BICC1: variants seen among roughly 807,000 people sequenced by gnomAD.
The protein encoded by BICC1 is BicC family RNA binding protein 1, also known as protein bicaudal C homolog 1.
A neutral mutation model predicts 111.0 loss-of-function variants in BICC1; 43 were observed. The ratio of observed to expected loss-of-function variants is 0.39; its 90% confidence interval spans 0.30 to 0.50. BICC1 has a LOEUF of 0.50. Among genes scored for constraint, BICC1 ranks in the 20% least tolerant of loss-of-function variants. BICC1 has a pLI of 0.88. For missense variants in BICC1, 1,091 were observed against 1,203.2 expected (o/e 0.91, Z 1.38); for synonymous variants, 467 against 434.4 (o/e 1.07, Z -0.93).
chr10:58,555,282 T>G (rs1220668024), intron 1 of BICC1, among the ~76,000 whole-genome samples: 2 of 150,028 alleles, frequency 1.3e-5, no homozygotes, highest in East Asian at 3.9e-4. Context: ...ATTTTACAGC[T>G]GAAGAGAATA....
intron 1 of BICC1, among the ~76,000 whole-genome samples, chr10:58,556,050 T>G (rs1843441425): frequency 6.6e-6 from 1 of 152,128 alleles, no homozygotes. Context: ...ATTTGTAAGA[T>G]TGTGGAATTT....
At chr10:58,686,552 C>G (rs1839732869) in intron 2 of BICC1, among the ~76,000 whole-genome samples, 2 of 149,194 alleles carry the variant, frequency 1.3e-5, no homozygotes, top group Admixed American at 1.3e-4. Flanking sequence ...TTCTTGGAGG[C>G]TTTGTTCATC....
intron 2 of BICC1, among the ~76,000 whole-genome samples, chr10:58,664,437 A>G (rs550766821): frequency 6.8e-6 from 1 of 147,448 alleles, no homozygotes; most frequent in East Asian, 2.1e-4. Context: ...TCTTCATAAG[A>G]TATAGGTTTT....
chr10:58,512,953 T>G lies in BICC1; in HGVS notation c.-191T>G, dbSNP rs1842131833. 6.8e-6 allele frequency among the ~76,000 whole-genome samples: 1 copy of G among 146,916 alleles called. No individual in the cohort carries two copies. Among genetic ancestry groups the G allele is most frequent in the South Asian group, 2.1e-4 (1 of 4,786 alleles). ...CCGCGACCCGGGGTGGCGGGTGGCG[T>G]GGGCGGCGCCCGGGGCTGGGATGCG... is the stretch of plus-strand genomic sequence containing the variant. On this transcript the variant is annotated 5_prime_UTR_variant, in exon 1 of 21. Coordinates refer to ENST00000373886, the MANE Select transcript of BICC1 (RefSeq NM_001080512.3).
intron 3 of BICC1, among the ~76,000 whole-genome samples, chr10:58,720,150 G>A (rs997061726): frequency 1.3e-5 from 2 of 152,154 alleles, no homozygotes; most frequent in Non-Finnish European, 2.9e-5. Context: ...TCCAAACCTG[G>A]CCTTTAGTTT....
At chr10:58,828,667 A>G in intron 20 of BICC1, 94 bp from the exon 21 acceptor site, 1 of 1,362,878 alleles carries the variant, frequency 7.3e-7, no homozygotes, top group Non-Finnish European at 9.9e-7. Flanking sequence ...CAAAAAACCT[A>G]CCACGTCACC....
intron 1 of BICC1, among the ~76,000 whole-genome samples, chr10:58,604,312 C>T (rs2132082570): frequency 6.6e-6 from 1 of 152,230 alleles, no homozygotes; most frequent in Admixed American, 6.5e-5. Context: ...ATTTAGACTA[C>T]TCAAATTTAA....
chr10:58,578,791 C>T (rs766114861), intron 1 of BICC1, among the ~76,000 whole-genome samples: 2 of 152,152 alleles, frequency 1.3e-5, no homozygotes, highest in African/African-American at 2.4e-5. Flanking sequence ...GCCATGCCCC[C>T]TCTCCCACCT....
intron 2 of BICC1, among the ~76,000 whole-genome samples, chr10:58,691,168 C>T (rs1172985469): frequency 6.6e-6 from 1 of 152,090 alleles, no homozygotes; most frequent in African/African-American, 2.4e-5. Context: ...ATAATATCTA[C>T]CCTCTTAGCA....
intron 1 of BICC1, among the ~76,000 whole-genome samples, chr10:58,537,358 A>AAT (rs1554803301): frequency 1.7e-4 from 25 of 150,758 alleles, no homozygotes; most frequent in South Asian, 8.3e-4. Flanking sequence ...AAAAAAAAAA[A>AAT]TCATGATGAA....
At chr10:58,693,870 A>G (rs1218696890) in intron 2 of BICC1, among the ~76,000 whole-genome samples, 2 of 151,936 alleles carry the variant, frequency 1.3e-5, no homozygotes, top group Non-Finnish European at 2.9e-5. Context: ...GTTTAATTAG[A>G]TCCCATTTGT....
chr10:58,803,287 G>A, intron 15 of BICC1, 45 bp downstream of exon 15: 1 of 1,529,730 alleles, frequency 6.5e-7, no homozygotes, highest in South Asian at 1.3e-5. Flanking sequence ...TCATATGTTT[G>A]GGTTCTGGTA....
At chr10:58,778,431 T>C (rs549782248) in intron 3 of BICC1, among the ~76,000 whole-genome samples, 2 of 152,246 alleles carry the variant, frequency 1.3e-5, no homozygotes, top group South Asian at 2.1e-4. Flanking sequence ...TTGATTAGCA[T>C]ATATTTTGTG....
intron 1 of BICC1, among the ~76,000 whole-genome samples, chr10:58,558,628 A>G (rs992222257): frequency 6.6e-6 from 1 of 152,072 alleles, no homozygotes; most frequent in Admixed American, 6.6e-5. Flanking sequence ...TCTCTTGCCT[A>G]TGAGATCTTA....
At chr10:58,772,750 C>T (rs1213143972) in intron 3 of BICC1, among the ~76,000 whole-genome samples, 1 of 152,124 alleles carries the variant, frequency 6.6e-6, no homozygotes, top group African/African-American at 2.4e-5. Flanking sequence ...ACATCCCCAC[C>T]CCTCAGTTGG....
At chr10:58,651,097 A>G (rs1838433208) in intron 2 of BICC1, among the ~76,000 whole-genome samples, 1 of 152,192 alleles carries the variant, frequency 6.6e-6, no homozygotes, top group Non-Finnish European at 1.5e-5. Flanking sequence ...TTCCAGGCTA[A>G]AATGATTGCT....
intron 1 of BICC1, among the ~76,000 whole-genome samples, chr10:58,579,654 G>C (rs943144071): frequency 1.3e-5 from 2 of 152,132 alleles, no homozygotes; most frequent in East Asian, 1.9e-4. Context: ...ATCCCTAATT[G>C]TTCCTAATTT....
At chr10:58,755,614 G>A (rs1842122403) in intron 3 of BICC1, among the ~76,000 whole-genome samples, 1 of 152,106 alleles carries the variant, frequency 6.6e-6, no homozygotes, top group Admixed American at 6.5e-5. Flanking sequence ...ATGGACACAT[G>A]AAGAAACACC....
At chr10:58,739,353 T>A (rs1422432719) in intron 3 of BICC1, among the ~76,000 whole-genome samples, 1 of 152,198 alleles carries the variant, frequency 6.6e-6, no homozygotes, top group Non-Finnish European at 1.5e-5. Flanking sequence ...ATGGTTTTTG[T>A]CTTTGGTTCT....
Sources: allele counts gnomAD v4.1 joint callset (sites outside exome capture counted in the v4.1 genomes callset), GRCh38; gene constraint gnomAD v4.1.1; transcripts MANE v1.5; gene names NCBI Gene and HGNC (gene_info 2026-07-23, HGNC 2026-07-21).